PELI2: variants seen among roughly 807,000 people sequenced by gnomAD.
The protein encoded by PELI2 is pellino E3 ubiquitin protein ligase family member 2.
Under a neutral mutation model 42.3 loss-of-function variants are expected in PELI2, and 23 were observed. That is an observed-to-expected ratio of 0.54 (90% CI 0.39 to 0.77). The LOEUF is 0.77. Among genes scored for constraint, PELI2 ranks in the 30% least tolerant of loss-of-function variants. The pLI is 0.00. For synonymous variants in PELI2, 245 were observed against 212.2 expected (o/e 1.15, Z -1.34); for missense variants, 463 against 553.2 (o/e 0.84, Z 1.64).
At chr14:56,292,382 C>A (rs546555190) in intron 5 of PELI2, among the ~76,000 whole-genome samples, 1 of 152,170 alleles carries the variant, frequency 6.6e-6, no homozygotes, top group Non-Finnish European at 1.5e-5. Flanking sequence ...TGTCTGTCTT[C>A]GAGGAAAGCT....
intron 2 of PELI2, among the ~76,000 whole-genome samples, chr14:56,270,763 G>A (rs549255597): frequency 5.3e-5 from 8 of 152,144 alleles, no homozygotes; most frequent in Non-Finnish European, 1.0e-4. Context: ...TCCCTTTATT[G>A]ATGAATTATA....
Position 56,118,528 on chromosome 14 carries a change from C to T in PELI2, c.-133C>T. 2.1e-6 allele frequency: 1 copy of T among 480,382 alleles called. No homozygotes were observed. Among genetic ancestry groups the T allele is most frequent in the Non-Finnish European group, 3.3e-6 (1 of 303,570 alleles). The allele number at this position is 480,382 out of a possible 1,614,324, so 29.8% of individuals were successfully genotyped here. ...AGCGGGACTGGCCGCCCCGCGCCCC[C>T]TTCGCCGCCGTGCCCTTCCCCGGCG... On this transcript the variant is annotated 5_prime_UTR_variant, in exon 1 of 6. Coordinates refer to ENST00000267460, the MANE Select transcript of PELI2 (RefSeq NM_021255.3).
intron 1 of PELI2, among the ~76,000 whole-genome samples, chr14:56,143,756 C>T (rs1884001101): frequency 6.6e-6 from 1 of 152,240 alleles, no homozygotes; most frequent in South Asian, 2.1e-4. Context: ...ATGTTGGCTC[C>T]TGTGTCCTTT....
rs964699666 is a variant in PELI2, at chr14:56,140,612, T to C, written c.77+21875T>C. ...CCATACAATCCTCAGTAGGATCATA[T>C]GCCTCTTTAAGAGGATGTTTGTCAA... On this transcript the variant is annotated intron_variant, in intron 1 of 5. Coordinates refer to ENST00000267460, the MANE Select transcript of PELI2 (RefSeq NM_021255.3). Among the ~76,000 whole-genome samples, 8 of 152,362 alleles carry C rather than the reference T, an allele frequency of 5.3e-5. No individual in the cohort carries two copies. The East Asian group carries it at 1.2e-3, about 22-fold the overall frequency.
At chr14:56,221,072 G>C (rs902356658) in intron 2 of PELI2, among the ~76,000 whole-genome samples, 1 of 152,136 alleles carries the variant, frequency 6.6e-6, no homozygotes, top group African/African-American at 2.4e-5. Flanking sequence ...GCCTCCACCT[G>C]CAAAACTGGC....
intron 2 of PELI2, among the ~76,000 whole-genome samples, chr14:56,233,149 G>T (rs894532855): frequency 1.3e-5 from 2 of 152,126 alleles, no homozygotes; most frequent in African/African-American, 2.4e-5. Context: ...TGGATAGGAA[G>T]AATCAATATC....
chr14:56,221,309 G>A (rs1887124288), intron 2 of PELI2, among the ~76,000 whole-genome samples: 1 of 151,688 alleles, frequency 6.6e-6, no homozygotes, highest in Admixed American at 6.6e-5. Flanking sequence ...GGAGAAAGGA[G>A]GATAAGTGGG....
At chr14:56,255,145 CA>C (rs1299474252) in intron 2 of PELI2, among the ~76,000 whole-genome samples, 2 of 152,130 alleles carry the variant, frequency 1.3e-5, no homozygotes, top group African/African-American at 4.8e-5. Context: ...GTTATATACC[CA>C]AAGGATTATA....
intron 1 of PELI2, among the ~76,000 whole-genome samples, chr14:56,132,171 CT>C (rs1883511074): frequency 6.6e-6 from 1 of 152,194 alleles, no homozygotes; most frequent in South Asian, 2.1e-4. Context: ...TGAGGAAATG[CT>C]GATGCCCAGA....
At chr14:56,226,673 G>A (rs561574152) in intron 2 of PELI2, among the ~76,000 whole-genome samples, 1 of 152,270 alleles carries the variant, frequency 6.6e-6, no homozygotes, top group East Asian at 1.9e-4. Flanking sequence ...AATATTCTGT[G>A]AGCTGTTGGA....
At chr14:56,164,227 G>A (rs192979171) in intron 1 of PELI2, among the ~76,000 whole-genome samples, 58 of 152,170 alleles carry the variant, frequency 3.8e-4, no homozygotes, top group African/African-American at 1.3e-3. Context: ...TCTATGCCTA[G>A]TTTTTTGAGT....
chr14:56,231,906 A>G (rs1887588116), intron 2 of PELI2, among the ~76,000 whole-genome samples: 1 of 152,188 alleles, frequency 6.6e-6, no homozygotes, highest in Admixed American at 6.5e-5. Flanking sequence ...AATAGATGCA[A>G]TAAAAAATGA....
intron 2 of PELI2, among the ~76,000 whole-genome samples, chr14:56,256,535 A>G (rs1222344123): frequency 6.6e-6 from 1 of 152,166 alleles, no homozygotes; most frequent in African/African-American, 2.4e-5. Flanking sequence ...TGAAGAAAGC[A>G]TATATCCGGA....
rs919924145 is a variant in PELI2 at position 56,288,580 on chromosome 14, C to T, written c.453C>T (p.Tyr151=). ...TCGTGTGCGACAGGAATGAACCTTACACAGCACGGATATTCGCCGCCGGAT... is the reference window on the plus strand; with the variant it reads ...TCGTGTGCGACAGGAATGAACCTTATACAGCACGGATATTCGCCGCCGGAT... ...CRIVCDRNEP[Y]TARIFAAGFD... is the part of the protein sequence containing the mutation. Residue 151 remains tyrosine (Y), a synonymous_variant, in exon 4 of 6, where the codon TAC becomes TAT. Coordinates refer to ENST00000267460, the MANE Select transcript of PELI2 (RefSeq NM_021255.3). The surrounding 1 kb of genome is among the most constrained non-coding windows in gnomAD (Gnocchi z 4.6). 6.2e-7 allele frequency: 1 copy of T among 1,614,040 alleles called. No individual in the cohort carries two copies. Among genetic ancestry groups the T allele is most frequent in the Non-Finnish European group, 8.5e-7 (1 of 1,179,954 alleles).
At chr14:56,173,553 A>G (rs1885258307) in intron 1 of PELI2, among the ~76,000 whole-genome samples, 1 of 152,178 alleles carries the variant, frequency 6.6e-6, no homozygotes, top group Non-Finnish European at 1.5e-5. Flanking sequence ...ACTTGGTAAC[A>G]ACAACAGATG....
At chr14:56,179,912 A>T (rs900060750) in intron 2 of PELI2, among the ~76,000 whole-genome samples, 6 of 152,134 alleles carry the variant, frequency 3.9e-5, no homozygotes, top group Non-Finnish European at 8.8e-5. Context: ...ACAATGGCTG[A>T]CATTTTAAAA....
At chr14:56,242,590 G>A (rs971982750) in intron 2 of PELI2, among the ~76,000 whole-genome samples, 2 of 152,172 alleles carry the variant, frequency 1.3e-5, no homozygotes, top group African/African-American at 2.4e-5. Flanking sequence ...GCAAAAATGT[G>A]GAACCAGCCT....
intron 2 of PELI2, among the ~76,000 whole-genome samples, chr14:56,239,318 C>G (rs1436837373): frequency 6.6e-6 from 1 of 152,166 alleles, no homozygotes; most frequent in Non-Finnish European, 1.5e-5. Flanking sequence ...AAATAGTCCT[C>G]AAGAAGAGGC....
intron 2 of PELI2, among the ~76,000 whole-genome samples, chr14:56,186,279 G>A (rs1205511955): frequency 6.6e-6 from 1 of 152,156 alleles, no homozygotes; most frequent in Non-Finnish European, 1.5e-5. Context: ...AAGGGCTTCA[G>A]TCCTGTAATC....
Sources: allele counts gnomAD v4.1 joint callset (sites outside exome capture counted in the v4.1 genomes callset), GRCh38; gene constraint gnomAD v4.1.1; non-coding constraint Gnocchi (gnomAD v3.1); transcripts MANE v1.5; gene names NCBI Gene and HGNC (gene_info 2026-07-23, HGNC 2026-07-21).